Variants in TRABD observed in about 807,000 individuals in gnomAD.
TRABD encodes traB domain-containing protein.
In TRABD, 23 loss-of-function variants were observed where a neutral mutation model predicts 39.6. The ratio of observed to expected loss-of-function variants is 0.58; its 90% CI spans 0.42 to 0.82. The LOEUF is 0.82. Among genes scored for constraint, TRABD ranks in the 40% least tolerant of loss-of-function variants. The pLI, the probability that TRABD is intolerant of heterozygous loss-of-function variation, is 0.00. For synonymous variants in TRABD, 243 were observed against 232.1 expected (o/e 1.05, Z -0.43); for missense variants, 487 against 544.9 (o/e 0.89, Z 1.06).
In TRABD at chr22:50,197,281, A is replaced by G. The variant is rs2064147490; in HGVS notation, c.461A>G (p.Lys154Arg). The change falls in exon 6 of 10, where the codon AAG (lysine) becomes AGG (arginine). Residue 154 changes from lysine to arginine, a missense_variant. Lys to Arg is a conservative substitution (Grantham distance 26, BLOSUM62 2). Coordinates refer to ENST00000380909, the MANE Select transcript of TRABD (RefSeq NM_001320485.2). ...MSGLMQMLLLKVSAHITEQLG... is the reference protein window; with the variant it reads ...MSGLMQMLLLRVSAHITEQLG... ...GGGCTGATGCAGATGCTGCTGCTGA[A>G]GGTGTCTGCACACATCACCGAGCAG... 6.2e-7 allele frequency: 1 copy of G among 1,613,576 alleles called. No homozygotes were observed. Among genetic ancestry groups the G allele is most frequent in the Non-Finnish European group, 8.5e-7 (1 of 1,180,006 alleles).
chr22:50,189,108 T>C (rs2063828981), intron 1 of TRABD, among the ~76,000 whole-genome samples: 1 of 152,242 alleles, frequency 6.6e-6, no homozygotes, highest in Admixed American at 6.5e-5. Context: ...TCTTGCCCTG[T>C]GGGTCTCCAC....
chr22:50,198,738 C>G lies in TRABD; in HGVS notation c.*219C>G. 1.8e-6 allele frequency: 1 copy of G among 564,396 alleles called. No individual in the cohort carries two copies. The highest frequency in any genetic ancestry group is 3.1e-6 in the Non-Finnish European group (1 of 324,130). 35.0% of individuals were successfully genotyped at this position (564,396 alleles called of 1,614,324 possible). On this transcript the variant is annotated 3_prime_UTR_variant, in exon 10 of 10. Transcript: ENST00000380909. This position sits in a 1 kb window ranked among gnomAD's most constrained non-coding sequence, Gnocchi z 7.9. ...CTCAGGCCTCCCGGCAGCCCCTCCC[C>G]TCCCACACTGCAGGGGCCGTTCCCC...
In TRABD at chr22:50,199,326, C is replaced by T. The variant is rs1238259538; in HGVS notation, c.*807C>T. 4 of 549,394 alleles carry T rather than the reference C, an allele frequency of 7.3e-6. No individual in the cohort carries two copies. The highest frequency in any genetic ancestry group is 9.8e-6 in the Non-Finnish European group (3 of 305,172). The allele number at this position is 549,394 out of a possible 1,614,324, so 34.0% of individuals were successfully genotyped here. ...GCCCTCTCTGGGCAGACAATGTGTG[C>T]ACCTATGTGGAAGGCCAAGGACATG... is the stretch of plus-strand genomic sequence containing the variant. On this transcript the variant is annotated 3_prime_UTR_variant, in exon 10 of 10. Coordinates refer to ENST00000380909, the MANE Select transcript of TRABD (RefSeq NM_001320485.2).
chr22:50,199,181 C>A lies in TRABD; in HGVS notation c.*662C>A. 1 of 715,972 alleles carries A rather than the reference C, an allele frequency of 1.4e-6. No homozygotes were observed. The highest frequency in any genetic ancestry group is 1.5e-5 in the South Asian group (1 of 67,602). 44.4% of individuals were successfully genotyped at this position (715,972 alleles called of 1,614,324 possible). On this transcript the variant is annotated 3_prime_UTR_variant, in exon 10 of 10. Transcript: ENST00000380909. ...AATCCAAAGGGAGAGAATTCGTGTT[C>A]TTGGGTCTGTCCCGAGTGGGCTCGC...
At chr22:50,193,170 C>A in intron 2 of TRABD, 77 bp downstream of exon 2, 2 of 1,454,934 alleles carry the variant, frequency 1.4e-6, no homozygotes, top group South Asian at 1.3e-5. Context: ...CGGGGTCGGT[C>A]CCTGGCTGTT....
chr22:50,198,142 C>CGAGAAGAACTGGA lies in TRABD; in HGVS notation c.914_926dup (p.Ser309ArgfsTer99). On this transcript the variant is annotated frameshift_variant, in exon 9 of 10. Transcript: ENST00000380909. LOFTEE classifies it high-confidence loss of function. This position sits in a 1 kb window ranked among gnomAD's most constrained non-coding sequence, Gnocchi z 7.9. ...TGGGCATGGGCCACGTGCCTGGCAT[C>CGAGAAGAACTGGA]GAGAAGAACTGGAGCACCGACCTCA... 1 of 1,612,638 alleles carries CGAGAAGAACTGGA rather than the reference C, an allele frequency of 6.2e-7. No homozygotes were observed. The highest frequency in any genetic ancestry group is 8.5e-7 in the Non-Finnish European group (1 of 1,179,724).
At chr22:50,187,737 T>C (rs971682926) in intron 1 of TRABD, among the ~76,000 whole-genome samples, 2 of 151,844 alleles carry the variant, frequency 1.3e-5, no homozygotes, top group Non-Finnish European at 2.9e-5. Context: ...CCCAGCACTT[T>C]GGGAGGCCGA....
Position 50,198,204 on chromosome 22 carries a change from C to A in TRABD, c.956+18C>A. On this transcript the variant is annotated intron_variant, in intron 9 of 9. Coordinates refer to ENST00000380909, the MANE Select transcript of TRABD (RefSeq NM_001320485.2). This position sits in a 1 kb window ranked among gnomAD's most constrained non-coding sequence, Gnocchi z 7.9. ...ATCATGACGTGAGTGCCCGCCCCTC[C>A]CTGCAAGCCCCACCCCACAAGCCCC... 6.3e-7 allele frequency: 1 copy of A among 1,589,352 alleles called. No individual in the cohort carries two copies. Among genetic ancestry groups the A allele is most frequent in the Non-Finnish European group, 8.6e-7 (1 of 1,167,082 alleles).
At chr22:50,190,599 C>T (rs980492651) in intron 1 of TRABD, 1 of 152,362 alleles carries the variant, frequency 6.6e-6, no homozygotes, top group Non-Finnish European at 1.5e-5. Flanking sequence ...GGAGTTTCCC[C>T]GGTGTGCCTC....
At position 50,193,055 on chromosome 22, in the gene TRABD, C is replaced by G. The variant is rs1340405263; in HGVS notation, c.-6C>G. On this transcript the variant is annotated 5_prime_UTR_variant, in exon 2 of 10. Coordinates refer to ENST00000380909, the MANE Select transcript of TRABD (RefSeq NM_001320485.2). ...CCCCACAGGTGCAGGAAGCCGCCGC[C>G]CAGCCATGGACGGGGAGGAGCAGCA... The G allele has an allele frequency of 1.3e-6, 2 of 1,545,534 alleles. No individual in the cohort carries two copies. The highest frequency in any genetic ancestry group is 2.4e-5 in the South Asian group (2 of 84,104).
At chr22:50,193,243 AG>A in intron 2 of TRABD, 150 bp downstream of exon 2, 1 of 1,061,104 alleles carries the variant, frequency 9.4e-7, no homozygotes, top group Non-Finnish European at 1.3e-6. Flanking sequence ...TCCGAGGGAG[AG>A]GGGCGCTGGG....
At chr22:50,193,167 G>C in intron 2 of TRABD, 74 bp downstream of exon 2, 1 of 1,460,974 alleles carries the variant, frequency 6.8e-7, no homozygotes, top group Non-Finnish European at 9.1e-7. Flanking sequence ...TCTCGGGGTC[G>C]GTCCCTGGCT....
intron 5 of TRABD, 31 bp downstream of exon 5, chr22:50,195,071 GGGTCGGGGTCAA>G: frequency 6.5e-7 from 1 of 1,534,414 alleles, no homozygotes; most frequent in Non-Finnish European, 8.7e-7. Context: ...GTCAGGGTCA[GGGTCGGGGTCAA>G]AGCCACCTGT....
rs777512002 is a variant in TRABD, at chr22:50,197,562, C to A, written c.645C>A (p.Gly215=). Residue 215 remains glycine (G), a synonymous_variant, in exon 7 of 10, where the codon GGC becomes GGA. Transcript: ENST00000380909. ...GGCAGAAGGTCAGGCTGGCTTGGGGCCTGTGCTTCCTGTCAGACCCCATCA... is the reference window on the plus strand; with the variant it reads ...GGCAGAAGGTCAGGCTGGCTTGGGGACTGTGCTTCCTGTCAGACCCCATCA... ...SFWQKVRLAW[G]LCFLSDPISK... 127 of 1,613,230 alleles carry A rather than the reference C, an allele frequency of 7.9e-5. No homozygotes were observed. The highest frequency in any genetic ancestry group is 1.0e-4 in the Non-Finnish European group (121 of 1,180,016).
chr22:50,196,391 G>A lies in TRABD; in HGVS notation c.421-850G>A, dbSNP rs1383568534. On this transcript the variant is annotated intron_variant, in intron 5 of 9. Transcript: ENST00000380909. ...TCAGGCCCAGACCGTCCCTGGGCGCGTGCAGGTGTGAGCGATTGCCCGGCG... is the reference window on the plus strand; with the variant it reads ...TCAGGCCCAGACCGTCCCTGGGCGCATGCAGGTGTGAGCGATTGCCCGGCG... 7.9e-5 allele frequency among the ~76,000 whole-genome samples: 12 copies of A among 152,356 alleles called. No homozygotes were observed. The East Asian group carries it at 1.7e-3, about 22-fold the overall frequency.
In TRABD at chr22:50,199,030, C is replaced by G. The variant is rs1602478685; in HGVS notation, c.*511C>G. On this transcript the variant is annotated 3_prime_UTR_variant, in exon 10 of 10. Coordinates refer to ENST00000380909, the MANE Select transcript of TRABD (RefSeq NM_001320485.2). Reference sequence around the variant, plus strand: ...GGCATCCTGGCCCTGGCCGCCACCTCCCTGGCACCGTCTGCCTGCAGGGAT... The same window carrying G: ...GGCATCCTGGCCCTGGCCGCCACCTGCCTGGCACCGTCTGCCTGCAGGGAT... The G allele has an allele frequency of 2.0e-5, 14 of 695,224 alleles. No individual in the cohort carries two copies. Among genetic ancestry groups the G allele is most frequent in the African/African-American group, 1.2e-4 (7 of 56,748 alleles). The allele number at this position is 695,224 out of a possible 1,614,324, so 43.1% of individuals were successfully genotyped here. A position where few individuals can be genotyped will look rare whatever the true frequency, so the allele number is the denominator to read the frequency against.
At position 50,194,899 on chromosome 22, in the gene TRABD, G is replaced by T; in HGVS notation, c.280-1G>T. The T allele has an allele frequency of 1.2e-6, 2 of 1,612,154 alleles. No individual in the cohort carries two copies. Among genetic ancestry groups the T allele is most frequent in the South Asian group, 2.2e-5 (2 of 91,028 alleles). ...CGAGGTGTGACCTGTGGCTGTTGCA[G>T]ACCATCCGGGAGGTGCAGCCTGACG... On this transcript the variant is annotated splice_acceptor_variant, in intron 4 of 9. Transcript: ENST00000380909. LOFTEE classifies it high-confidence loss of function.
intron 1 of TRABD, among the ~76,000 whole-genome samples, chr22:50,189,340 G>A (rs1170171712): frequency 6.6e-6 from 1 of 152,208 alleles, no homozygotes; most frequent in Non-Finnish European, 1.5e-5. Context: ...GAGATCTGAG[G>A]ACCCTGTCTG....
At chr22:50,196,213 T>C (rs1320884055) in intron 5 of TRABD, among the ~76,000 whole-genome samples, 1 of 151,888 alleles carries the variant, frequency 6.6e-6, no homozygotes, top group East Asian at 1.9e-4. Flanking sequence ...ACGTCTGAGC[T>C]CAGACCCCAG....
Sources: allele counts gnomAD v4.1 joint callset (sites outside exome capture counted in the v4.1 genomes callset), GRCh38; gene constraint gnomAD v4.1.1; non-coding constraint Gnocchi (gnomAD v3.1); transcripts MANE v1.5; gene names NCBI Gene and HGNC (gene_info 2026-07-23, HGNC 2026-07-21).